Variants in MPHOSPH9 observed in about 807,000 individuals in gnomAD.
The protein encoded by MPHOSPH9 is M-phase phosphoprotein 9.
MPHOSPH9 carries 88 observed loss-of-function variants against 145.5 expected under a neutral mutation model. The ratio of observed to expected loss-of-function variants is 0.60; its 90% CI spans 0.51 to 0.72. The LOEUF (loss-of-function observed/expected upper bound fraction) is 0.72, where lower values mean the gene tolerates loss of function less well. Among genes scored for constraint, MPHOSPH9 ranks in the 30% least tolerant of loss-of-function variants. The pLI, the probability that MPHOSPH9 is intolerant of heterozygous loss-of-function variation, is 0.00. For synonymous variants in MPHOSPH9, 435 were observed against 486.2 expected, an observed-to-expected ratio of 0.89 and a Z score of 1.39; for missense variants, 1,238 against 1,386.6, an observed-to-expected ratio of 0.89 and a Z score of 1.70.
chr12:123,194,572 G>A lies in MPHOSPH9; in HGVS notation c.2055C>T (p.Ala685=), dbSNP rs1264680124. Residue 685 remains alanine, a synonymous_variant, in exon 13 of 24, where the codon GCC becomes GCT. Transcript: ENST00000606320. ...VNDLRERFSA[A]SSASKILQER... is the part of the protein sequence containing the mutation. ...CCTGCAAAATTTTGGAAGCACTGCTGGCTGCACTGAAGCGTTCTCTCAAAT... is the reference window on the plus strand; with the variant it reads ...CCTGCAAAATTTTGGAAGCACTGCTAGCTGCACTGAAGCGTTCTCTCAAAT... The A allele has an allele frequency of 5.0e-6, 8 of 1,609,188 alleles. No homozygotes were observed. In the African/African-American group the frequency reaches 5.4e-5, roughly 11 times the overall value.
At chr12:123,208,574 A>G (rs2046553549) in intron 8 of MPHOSPH9, among the ~76,000 whole-genome samples, 1 of 151,332 alleles carries the variant, frequency 6.6e-6, no homozygotes. Context: ...TAAGTTGCTC[A>G]TAACTATGGT....
At chr12:123,179,509 A>C (rs1043407406) in intron 15 of MPHOSPH9, among the ~76,000 whole-genome samples, 3 of 152,102 alleles carry the variant, frequency 2.0e-5, no homozygotes. Context: ...CAAGAGGAGG[A>C]GGTTGCAGTG....
chr12:123,194,277 T>C (rs1565933487), intron 13 of MPHOSPH9, 109 bp downstream of exon 13: 4 of 747,694 alleles, frequency 5.3e-6, no homozygotes, highest in Non-Finnish European at 8.3e-6. Context: ...TCAAAATAAA[T>C]CAATAAATAA....
chr12:123,224,964 T>C (rs1282932917), intron 3 of MPHOSPH9, among the ~76,000 whole-genome samples: 1 of 152,222 alleles, frequency 6.6e-6, no homozygotes, highest in Non-Finnish European at 1.5e-5. Context: ...TGTCTTCTAA[T>C]GAACATGTGC....
intron 8 of MPHOSPH9, among the ~76,000 whole-genome samples, chr12:123,207,856 GA>G (rs879541250): frequency 2.5e-3 from 109 of 43,314 alleles, no homozygotes; most frequent in East Asian, 8.8e-3. Flanking sequence ...CCGCCTCAAA[GA>G]AAAAAAAAAA....
At chr12:123,209,700 C>T (rs2046614603) in intron 8 of MPHOSPH9, among the ~76,000 whole-genome samples, 1 of 151,688 alleles carries the variant, frequency 6.6e-6, no homozygotes, top group Admixed American at 6.6e-5. Context: ...TTACAGGCCA[C>T]CACGCCCAGT....
At chr12:123,198,620 G>C (rs968621711) in intron 11 of MPHOSPH9, among the ~76,000 whole-genome samples, 3 of 151,828 alleles carry the variant, frequency 2.0e-5, no homozygotes, top group African/African-American at 7.3e-5. Context: ...GATCAGCCTG[G>C]CCAACATGGT....
rs1305842771 is a variant in MPHOSPH9 at position 123,172,749 on chromosome 12, C to T, written c.2456+3939G>A. Among the ~76,000 whole-genome samples the T allele has an allele frequency of 2.0e-5, 3 of 152,196 alleles. No homozygotes were observed. In the East Asian group the frequency reaches 5.8e-4, roughly 29 times the overall value. On this transcript the variant is annotated intron_variant, in intron 16 of 23. Transcript: ENST00000606320. ...ACAGGTAGTTCATGCCACATGTGGC[C>T]CCACAGGCTGGGGTCTGCCAACTCG... is the stretch of plus-strand genomic sequence containing the variant.
At chr12:123,208,995 C>T (rs957789774) in intron 8 of MPHOSPH9, among the ~76,000 whole-genome samples, 1 of 152,146 alleles carries the variant, frequency 6.6e-6, no homozygotes, top group Non-Finnish European at 1.5e-5. Context: ...TGCAGTGGCA[C>T]CATCTTGGCT....
intron 13 of MPHOSPH9, among the ~76,000 whole-genome samples, chr12:123,187,683 A>C (rs972620539): frequency 2.0e-5 from 3 of 152,214 alleles, no homozygotes; most frequent in African/African-American, 4.8e-5. Flanking sequence ...AGAGCCTCAA[A>C]GGAGATTTAC....
chr12:123,183,274 G>A (rs557301291), intron 13 of MPHOSPH9, among the ~76,000 whole-genome samples: 2 of 151,548 alleles, frequency 1.3e-5, no homozygotes, highest in Non-Finnish European at 1.5e-5. Context: ...CTGGCCGGGC[G>A]TGGTAGCTCA....
chr12:123,186,792 C>T (rs1208839832), intron 13 of MPHOSPH9, among the ~76,000 whole-genome samples: 5 of 152,100 alleles, frequency 3.3e-5, no homozygotes, highest in African/African-American at 1.2e-4. Context: ...GAAATCTCAT[C>T]TCTACTAAAA....
chr12:123,230,236 CA>C, intron 2 of MPHOSPH9, 24 bp downstream of exon 2: 4 of 1,249,500 alleles, frequency 3.2e-6, no homozygotes, highest in South Asian at 2.7e-5. Context: ...TGATTTGGTA[CA>C]TTTTTTTTAA....
In MPHOSPH9 at chr12:123,194,425, T is replaced by C; in HGVS notation, c.2202A>G (p.Lys734=). 6.2e-7 allele frequency: 1 copy of C among 1,604,688 alleles called. No homozygotes were observed. Among genetic ancestry groups the C allele is most frequent in the Non-Finnish European group, 8.5e-7 (1 of 1,176,416 alleles). The change falls in exon 13 of 24, where the codon AAA becomes AAG. Residue 734 remains lysine, a synonymous_variant. Coordinates refer to ENST00000606320, the MANE Select transcript of MPHOSPH9 (RefSeq NM_022782.4). ...FENAYKLSDD[K]EAQLKQENKM... ...TGTTCTCTTGTTTTAGTTGAGCTTC[T>C]TTATCATCTGAGAGTTTGTAAGCAT...
chr12:123,211,684 C>CTTTTTTTTTTTTTT, intron 7 of MPHOSPH9, among the ~76,000 whole-genome samples: 1 of 67,756 alleles, frequency 1.5e-5, no homozygotes, highest in Non-Finnish European at 3.1e-5. Flanking sequence ...TAGACAATTT[C>CTTTTTTTTTTTTTT]TTTTTTTTTT....
Position 123,214,624 on chromosome 12 carries a change from C to T in MPHOSPH9, c.1087+120G>A, listed in dbSNP as rs896042958. 6.5e-5 allele frequency: 48 copies of T among 742,322 alleles called. 1 individual carries two copies. In the Admixed American group the frequency reaches 9.1e-4, roughly 14 times the overall value. The allele number at this position is 742,322 out of a possible 1,614,324, so 46.0% of individuals were successfully genotyped here. A position where few individuals can be genotyped will look rare whatever the true frequency, so the allele number is the denominator to read the frequency against. On this transcript the variant is annotated intron_variant, in intron 7 of 23. Transcript: ENST00000606320. The stretch of plus-strand genomic sequence containing the variant: ...ACAAAACCATACTACTATACAGTAT[C>T]ATCCCATATGGAGAAATGTAGGCAA...
chr12:123,177,557 CA>C (rs150878956), intron 15 of MPHOSPH9, among the ~76,000 whole-genome samples: 3,843 of 151,548 alleles, frequency 0.025, 145 homozygotes, highest in African/African-American at 0.086. Context: ...AAAAGCTAAA[CA>C]AAAATCAGTG....
At chr12:123,217,983 T>C (rs2047039561) in intron 6 of MPHOSPH9, among the ~76,000 whole-genome samples, 1 of 150,862 alleles carries the variant, frequency 6.6e-6, no homozygotes, top group South Asian at 2.1e-4. Flanking sequence ...AGGCGGAGCT[T>C]GCAGTGAGCC....
At chr12:123,222,023 C>A in intron 4 of MPHOSPH9, 128 bp from the exon 5 acceptor site, 3 of 670,738 alleles carry the variant, frequency 4.5e-6, no homozygotes, top group Non-Finnish European at 7.2e-6. Context: ...GATACTTTAT[C>A]TTTAGTTTAT....
Sources: allele counts gnomAD v4.1 joint callset (sites outside exome capture counted in the v4.1 genomes callset), GRCh38; gene constraint gnomAD v4.1.1; transcripts MANE v1.5; gene names NCBI Gene and HGNC (gene_info 2026-07-23, HGNC 2026-07-21).